The following MAN1A1 variants were observed in gnomAD, a reference collection of about 807,000 sequenced individuals.
The protein encoded by MAN1A1 is mannosyl-oligosaccharide 1,2-alpha-mannosidase IA.
Under a neutral mutation model 70.8 loss-of-function variants are expected in MAN1A1, and 29 were observed. The observed-to-expected ratio is 0.41, with a 90% confidence interval of 0.31 to 0.56. The LOEUF (loss-of-function observed/expected upper bound fraction) is 0.56. Ranked by LOEUF, MAN1A1 falls within the 20% of genes least tolerant of loss-of-function variation. The pLI, the probability that MAN1A1 is intolerant of heterozygous loss-of-function variation, is 0.29. For synonymous variants in MAN1A1, 349 were observed against 330.1 expected, an observed-to-expected ratio of 1.06 and a Z score of -0.62; for missense variants, 747 against 841.3, an observed-to-expected ratio of 0.89 and a Z score of 1.39.
chr6:119,326,707 AT>A (rs767264523), intron 2 of MAN1A1, among the ~76,000 whole-genome samples: 2 of 152,178 alleles, frequency 1.3e-5, no homozygotes, highest in Non-Finnish European at 2.9e-5. Context: ...AGAGCCCCTT[AT>A]AAAACCATCA....
chr6:119,208,405 A>G (rs1241413386), intron 6 of MAN1A1, among the ~76,000 whole-genome samples: 3 of 152,258 alleles, frequency 2.0e-5, no homozygotes, highest in South Asian at 2.1e-4. Flanking sequence ...TTTGGCAACT[A>G]TAATTAGAAA....
intron 5 of MAN1A1, among the ~76,000 whole-genome samples, chr6:119,261,192 G>A (rs543287640): frequency 1.3e-5 from 2 of 151,886 alleles, no homozygotes; most frequent in Non-Finnish European, 2.9e-5. Flanking sequence ...TGTTGGCCAG[G>A]ATGGTCTCGA....
Position 119,300,368 on chromosome 6 carries a change from G to A in MAN1A1, c.816+1620C>T, listed in dbSNP as rs149576488. Among the ~76,000 whole-genome samples, 950 of 151,744 alleles carry A rather than the reference G, an allele frequency of 6.3e-3. 5 individuals are homozygous for A. Among genetic ancestry groups the A allele is most frequent in the African/African-American group, 0.022 (899 of 41,382 alleles). ...CCTCCTGGGTTCAAGCGATCCTCCT[G>A]CCTCAGCCTCCTGAGTAGCTGGGAT... On this transcript the variant is annotated intron_variant, in intron 4 of 12. Transcript: ENST00000368468.
In MAN1A1 at chr6:119,349,188, C is replaced by G. The variant is rs1287213183; in HGVS notation, c.-123G>C. On this transcript the variant is annotated 5_prime_UTR_variant, in exon 2 of 13. Coordinates refer to ENST00000368468, the MANE Select transcript of MAN1A1 (RefSeq NM_005907.4). ...AGGCCGCCCGACCCCCTCGGCTGGG[C>G]TGCGGATCCTCCCTGGGGGAACAAC... is the stretch of plus-strand genomic sequence containing the variant. 2 of 1,228,222 alleles carry G rather than the reference C, an allele frequency of 1.6e-6. No homozygotes were observed. The highest frequency in any genetic ancestry group is 2.0e-6 in the Non-Finnish European group (2 of 986,556). 76.1% of individuals were successfully genotyped at this position (1,228,222 alleles called of 1,614,324 possible).
chr6:119,179,773 G>A lies in MAN1A1; in HGVS notation c.*46C>T. On this transcript the variant is annotated 3_prime_UTR_variant, in exon 13 of 13. Transcript: ENST00000368468. ...GATTACCAGAAAAGGAATTATTAAG[G>A]TATACAGTGAAGGGAATGGAGCAGA... The A allele has an allele frequency of 1.9e-6, 3 of 1,549,480 alleles. No homozygotes were observed. Among genetic ancestry groups the A allele is most frequent in the Non-Finnish European group, 2.7e-6 (3 of 1,125,468 alleles).
At chr6:119,268,849 C>T (rs183735026) in intron 5 of MAN1A1, among the ~76,000 whole-genome samples, 94 of 152,212 alleles carry the variant, frequency 6.2e-4, no homozygotes, top group African/African-American at 2.0e-3. Flanking sequence ...TCAAAGTGCT[C>T]GGATTACAGG....
chr6:119,308,979 C>T (rs537770997), intron 2 of MAN1A1, among the ~76,000 whole-genome samples: 7 of 152,186 alleles, frequency 4.6e-5, no homozygotes, highest in African/African-American at 1.7e-4. Flanking sequence ...CTATCTTCTT[C>T]CCTCAAGGGA....
chr6:119,263,578 T>C (rs1775671000), intron 5 of MAN1A1, among the ~76,000 whole-genome samples: 1 of 152,030 alleles, frequency 6.6e-6, no homozygotes, highest in Non-Finnish European at 1.5e-5. Flanking sequence ...TGTGAAAAAA[T>C]AATCTGTTTA....
chr6:119,225,477 G>A (rs1373761552), intron 6 of MAN1A1, among the ~76,000 whole-genome samples: 1 of 151,952 alleles, frequency 6.6e-6, no homozygotes, highest in Non-Finnish European at 1.5e-5. Flanking sequence ...TATCTGAAGA[G>A]GTACTGGCTA....
chr6:119,222,779 G>T (rs1774399732), intron 6 of MAN1A1, among the ~76,000 whole-genome samples: 1 of 152,180 alleles, frequency 6.6e-6, no homozygotes, highest in Non-Finnish European at 1.5e-5. Context: ...AATCACAGCT[G>T]AAATCCTGGG....
intron 2 of MAN1A1, among the ~76,000 whole-genome samples, chr6:119,321,717 A>C (rs1344727664): frequency 1.3e-5 from 2 of 151,076 alleles, no homozygotes; most frequent in East Asian, 3.9e-4. Flanking sequence ...TCCTGGGCTC[A>C]AGCAATTCTC....
intron 5 of MAN1A1, among the ~76,000 whole-genome samples, chr6:119,282,587 C>T (rs1341236743): frequency 6.6e-6 from 1 of 152,128 alleles, no homozygotes; most frequent in Non-Finnish European, 1.5e-5. Flanking sequence ...CTCTGTTTTA[C>T]TGAATTAAAC....
chr6:119,209,090 C>CAAAA (rs34328766), intron 6 of MAN1A1, among the ~76,000 whole-genome samples: 16 of 89,058 alleles, frequency 1.8e-4, no homozygotes, highest in East Asian at 6.8e-4. Context: ...GACCCCGTCT[C>CAAAA]AAAAAAAAAA....
intron 5 of MAN1A1, among the ~76,000 whole-genome samples, chr6:119,261,048 G>C (rs915179371): frequency 7.2e-6 from 1 of 139,368 alleles, no homozygotes; most frequent in South Asian, 2.3e-4. Flanking sequence ...GTGCGATCTC[G>C]GCTCACTGCA....
rs556980419 is a variant in MAN1A1, at chr6:119,220,005, A to G, written c.993-15123T>C. ...ATCAACTATGAGTTCTTACAGAATCATCATTTAAAAAATCCATACACTTTT... is the reference window on the plus strand; with the variant it reads ...ATCAACTATGAGTTCTTACAGAATCGTCATTTAAAAAATCCATACACTTTT... On this transcript the variant is annotated intron_variant, in intron 6 of 12. Transcript: ENST00000368468. 1.9e-4 allele frequency among the ~76,000 whole-genome samples: 29 copies of G among 152,098 alleles called. No individual in the cohort carries two copies. The South Asian group carries it at 4.8e-3, about 25-fold the overall frequency.
chr6:119,321,498 C>T (rs1009114910), intron 2 of MAN1A1, among the ~76,000 whole-genome samples: 6 of 152,150 alleles, frequency 3.9e-5, no homozygotes, highest in African/African-American at 1.2e-4. Flanking sequence ...GTCCCTCTCG[C>T]CTGCTTCCTT....
chr6:119,304,945 A>ATTTAAAAGAT (rs3839398), intron 3 of MAN1A1, among the ~76,000 whole-genome samples: 57,110 of 151,672 alleles, frequency 0.38, 11,178 homozygotes, highest in Non-Finnish European at 0.41. Flanking sequence ...TAAAGAAATC[A>ATTTAAAAGAT]TTTCTCATCC....
chr6:119,201,469 T>C, intron 7 of MAN1A1, 122 bp from the exon 8 acceptor site: 1 of 656,884 alleles, frequency 1.5e-6, no homozygotes, highest in Non-Finnish European at 2.7e-6. Context: ...ATAACTGCTG[T>C]TAGCTTATTA....
intron 8 of MAN1A1, among the ~76,000 whole-genome samples, chr6:119,196,664 A>T (rs1773577280): frequency 6.6e-6 from 1 of 152,244 alleles, no homozygotes; most frequent in Admixed American, 6.5e-5. Context: ...ATATCTAAAA[A>T]AGAGAAAAAG....
Sources: allele counts gnomAD v4.1 joint callset (sites outside exome capture counted in the v4.1 genomes callset), GRCh38; gene constraint gnomAD v4.1.1; transcripts MANE v1.5; gene names NCBI Gene and HGNC (gene_info 2026-07-23, HGNC 2026-07-21).